The following HSPA12A variants were observed in gnomAD, a reference collection of about 807,000 sequenced individuals.
The protein encoded by HSPA12A is heat shock 70 kDa protein 12A.
Under a neutral mutation model 69.2 loss-of-function variants are expected in HSPA12A, and 28 were observed. The observed-to-expected ratio is 0.40, with a 90% CI of 0.30 to 0.55. The LOEUF (loss-of-function observed/expected upper bound fraction) is 0.55. Among genes scored for constraint, HSPA12A ranks in the 20% least tolerant of loss-of-function variants. HSPA12A has a pLI of 0.38. For synonymous variants in HSPA12A, 345 were observed against 370.5 expected, an observed-to-expected ratio of 0.93 and a Z score of 0.79; for missense variants, 686 against 900.7, an observed-to-expected ratio of 0.76 and a Z score of 3.05.
intron 2 of HSPA12A, among the ~76,000 whole-genome samples, chr10:116,770,786 C>A (rs1302677198): frequency 2.6e-5 from 4 of 152,192 alleles, no homozygotes; most frequent in African/African-American, 9.7e-5. Flanking sequence ...AGGGGCCCAG[C>A]CTCCCCTCAC....
intron 1 of HSPA12A, among the ~76,000 whole-genome samples, chr10:116,731,534 C>T (rs1851153199): frequency 6.6e-6 from 1 of 152,180 alleles, no homozygotes; most frequent in African/African-American, 2.4e-5. Flanking sequence ...ATGCAAGGGA[C>T]CCAGTGGTCA....
At chr10:116,678,712 T>C (rs1043237630) in intron 10 of HSPA12A, among the ~76,000 whole-genome samples, 7 of 152,176 alleles carry the variant, frequency 4.6e-5, no homozygotes, top group Non-Finnish European at 1.5e-5. Context: ...CTTGTCTCCT[T>C]TAGAGGTACA....
At chr10:116,757,992 T>G (rs1320965150) in intron 2 of HSPA12A, among the ~76,000 whole-genome samples, 1 of 152,150 alleles carries the variant, frequency 6.6e-6, no homozygotes, top group Non-Finnish European at 1.5e-5. Context: ...AGATGACAAG[T>G]GACTTATTTT....
At chr10:116,685,601 C>G (rs1435554060) in intron 6 of HSPA12A, among the ~76,000 whole-genome samples, 1 of 151,048 alleles carries the variant, frequency 6.6e-6, no homozygotes, top group Non-Finnish European at 1.5e-5. Flanking sequence ...TGCCATTGTA[C>G]CCCAGCCTGG....
chr10:116,801,218 T>C (rs1368636623), intron 2 of HSPA12A, among the ~76,000 whole-genome samples: 1 of 152,158 alleles, frequency 6.6e-6, no homozygotes, highest in Non-Finnish European at 1.5e-5. Context: ...ATGGACTCGG[T>C]AAAAATACAT....
chr10:116,828,782 T>G (rs1379057280), intron 2 of HSPA12A: 3 of 152,238 alleles, frequency 2.0e-5, no homozygotes, highest in Admixed American at 6.5e-5. Flanking sequence ...ATTACTTTTA[T>G]GTACACAACC....
intron 5 of HSPA12A, among the ~76,000 whole-genome samples, chr10:116,694,776 T>C (rs1849838126): frequency 6.6e-6 from 1 of 152,100 alleles, no homozygotes; most frequent in Admixed American, 6.5e-5. Context: ...CCTGTCCCTC[T>C]GCAACCTTTG....
chr10:116,789,156 G>A (rs1417917834), intron 2 of HSPA12A, among the ~76,000 whole-genome samples: 9 of 152,036 alleles, frequency 5.9e-5, no homozygotes, highest in African/African-American at 1.4e-4. Flanking sequence ...GTGAGCCACC[G>A]CACCCAGCCA....
chr10:116,801,436 G>T (rs1564824135), intron 2 of HSPA12A, among the ~76,000 whole-genome samples: 1 of 152,150 alleles, frequency 6.6e-6, no homozygotes, highest in Non-Finnish European at 1.5e-5. Context: ...TGCTTGCCAA[G>T]GGCAGGAGAT....
At chr10:116,817,497 G>A (rs1274612807) in intron 2 of HSPA12A, among the ~76,000 whole-genome samples, 1 of 143,558 alleles carries the variant, frequency 7.0e-6, no homozygotes, top group East Asian at 2.1e-4. Context: ...CAAGGCTCTG[G>A]CAGAGGAAAT....
intron 2 of HSPA12A, among the ~76,000 whole-genome samples, chr10:116,814,511 C>G (rs1845259963): frequency 6.6e-6 from 1 of 152,212 alleles, no homozygotes; most frequent in Admixed American, 6.5e-5. Flanking sequence ...ACTTTGCACT[C>G]AACTCCAGCC....
At chr10:116,801,135 C>T (rs966736288) in intron 2 of HSPA12A, among the ~76,000 whole-genome samples, 10 of 152,210 alleles carry the variant, frequency 6.6e-5, no homozygotes, top group African/African-American at 2.4e-4. Context: ...GATTTCAACA[C>T]ATCCTATTTC....
At chr10:116,689,322 C>T (rs946812111) in intron 6 of HSPA12A, among the ~76,000 whole-genome samples, 8 of 151,996 alleles carry the variant, frequency 5.3e-5, no homozygotes, top group African/African-American at 1.9e-4. Flanking sequence ...GCAGAGTAGA[C>T]GTGACCAGTT....
intron 2 of HSPA12A, among the ~76,000 whole-genome samples, chr10:116,756,317 G>A (rs945537216): frequency 6.6e-6 from 1 of 152,212 alleles, no homozygotes; most frequent in South Asian, 2.1e-4. Flanking sequence ...GCTCTTTCTC[G>A]AAAATGCAGC....
chr10:116,759,599 G>A (rs1215290778), intron 2 of HSPA12A, among the ~76,000 whole-genome samples: 1 of 152,190 alleles, frequency 6.6e-6, no homozygotes, highest in Non-Finnish European at 1.5e-5. Context: ...TTCCATCAGG[G>A]AATAAGGGGG....
chr10:116,721,592 C>T (rs189004266), intron 1 of HSPA12A, among the ~76,000 whole-genome samples: 62 of 152,232 alleles, frequency 4.1e-4, no homozygotes, highest in African/African-American at 1.4e-3. Context: ...CAAAACAAAA[C>T]GAAAACCCGG....
At chr10:116,765,527 A>G (rs572418726) in intron 2 of HSPA12A, among the ~76,000 whole-genome samples, 48 of 152,368 alleles carry the variant, frequency 3.2e-4, no homozygotes, top group African/African-American at 1.1e-3. Context: ...AAATAGACCT[A>G]GAAGTCCATA....
chr10:116,674,700 G>T lies in HSPA12A; in HGVS notation c.*81C>A. ...CACATGGGCAATGGTGAGGGTCAAGGTTAGGGAAAGAACAGTCAAGGTTGA... is the reference window on the plus strand; with the variant it reads ...CACATGGGCAATGGTGAGGGTCAAGTTTAGGGAAAGAACAGTCAAGGTTGA... On this transcript the variant is annotated 3_prime_UTR_variant, in exon 12 of 12. Transcript: ENST00000369209. 2 of 1,409,332 alleles carry T rather than the reference G, an allele frequency of 1.4e-6. No individual in the cohort carries two copies. Among genetic ancestry groups the T allele is most frequent in the Non-Finnish European group, 1.9e-6 (2 of 1,028,390 alleles). The allele number at this position is 1,409,332 out of a possible 1,614,324, so 87.3% of individuals were successfully genotyped here. A position where few individuals can be genotyped will look rare whatever the true frequency, so the allele number is the denominator to read the frequency against.
intron 1 of HSPA12A, among the ~76,000 whole-genome samples, chr10:116,733,394 C>T (rs1487569203): frequency 6.6e-6 from 1 of 152,156 alleles, no homozygotes; most frequent in African/African-American, 2.4e-5. Flanking sequence ...CAGAACCAGC[C>T]GCCTGGGTAC....
Sources: gnomAD v4.1 joint callset for allele counts (sites outside exome capture counted in the v4.1 genomes callset) on GRCh38, gnomAD v4.1.1 for gene constraint, MANE v1.5 for transcripts, NCBI Gene and HGNC (gene_info 2026-07-23, HGNC 2026-07-21) for gene names.